Variants in SERINC2 observed in about 807,000 individuals in gnomAD.
The protein encoded by SERINC2 is serine incorporator 2.
SERINC2 carries 56 observed loss-of-function variants against 54.2 expected under a neutral mutation model. That is an observed-to-expected ratio of 1.03 (90% CI 0.83 to 1.29). The LOEUF is 1.29. Ranked by LOEUF, SERINC2 falls within the 50% of genes most tolerant of loss-of-function variation. The pLI is 0.00. For missense variants in SERINC2, 614 were observed against 607.4 expected (o/e 1.01, Z -0.12); for synonymous variants, 272 against 253.1 (o/e 1.07, Z -0.71).
chr1:31,417,849 A>ATTTTT (rs1640815588), intron 1 of SERINC2, among the ~76,000 whole-genome samples: 5 of 65,842 alleles, frequency 7.6e-5, no homozygotes, highest in African/African-American at 1.7e-4. Context: ...TCAAAATTTC[A>ATTTTT]TTCTTTTTTT....
chr1:31,417,852 CTTTTTTTTT>C (rs3050463), intron 1 of SERINC2, among the ~76,000 whole-genome samples: 3 of 95,732 alleles, frequency 3.1e-5, no homozygotes, highest in African/African-American at 1.3e-4. Context: ...AAATTTCATT[CTTTTTTTTT>C]TTTTTTTTTT....
Position 31,413,859 on chromosome 1 carries a change from T to C in SERINC2, c.39+555T>C. On this transcript the variant is annotated intron_variant, in intron 1 of 9. Coordinates refer to ENST00000373709, the MANE Select transcript of SERINC2 (RefSeq NM_178865.5). This position sits in a 1 kb window ranked among gnomAD's most constrained non-coding sequence, Gnocchi z 5.0. ...GTGTCCGTCGTTCGTCCGACTGTCTTTGTCCGTCTGCTGTCTTCTGTCCGT... is the reference window on the plus strand; with the variant it reads ...GTGTCCGTCGTTCGTCCGACTGTCTCTGTCCGTCTGCTGTCTTCTGTCCGT... The C allele has an allele frequency of 7.0e-7, 1 of 1,429,094 alleles. No individual in the cohort carries two copies. Among genetic ancestry groups the C allele is most frequent in the Non-Finnish European group, 9.1e-7 (1 of 1,097,484 alleles). The allele number at this position is 1,429,094 out of a possible 1,614,324, so 88.5% of individuals were successfully genotyped here.
Position 31,423,697 on chromosome 1 carries a change from C to T in SERINC2, c.44C>T (p.Ser15Phe). Residue 15 changes from serine to phenylalanine, a missense_variant, in exon 2 of 10, where the codon TCC becomes TTC. Ser to Phe is a radical substitution (Grantham distance 155). Coordinates refer to ENST00000373709, the MANE Select transcript of SERINC2 (RefSeq NM_178865.5). ...AGTGACAGTGCCCTCCCGCAGGCGT[C>T]CTGCCTCTGCGGCTCTGCCCCCTGC... The part of the protein sequence containing the change: ...LGACSLLSCA[S>F]CLCGSAPCIL... The T allele has an allele frequency of 1.2e-6, 2 of 1,608,132 alleles. No individual in the cohort carries two copies. Among genetic ancestry groups the T allele is most frequent in the Non-Finnish European group, 1.7e-6 (2 of 1,179,790 alleles).
intron 1 of SERINC2, among the ~76,000 whole-genome samples, chr1:31,421,147 G>A (rs1371455052): frequency 1.3e-5 from 2 of 152,202 alleles, no homozygotes; most frequent in African/African-American, 4.8e-5. Flanking sequence ...TCATAGGAGT[G>A]CGAACCCTAT....
intron 1 of SERINC2, 144 bp from the exon 2 acceptor site, chr1:31,423,548 AC>A (rs1553132993): frequency 1.9e-4 from 148 of 799,256 alleles, no homozygotes; most frequent in Non-Finnish European, 2.7e-5. Context: ...TCCCTCTCGG[AC>A]CTGAAAGTTC....
At position 31,413,791 on chromosome 1, in the gene SERINC2, C is replaced by G. The variant is rs1158174206; in HGVS notation, c.39+487C>G. 1 of 1,374,744 alleles carries G rather than the reference C, an allele frequency of 7.3e-7. No homozygotes were observed. The highest frequency in any genetic ancestry group is 1.5e-5 in the African/African-American group (1 of 66,078). 85.2% of individuals were successfully genotyped at this position (1,374,744 alleles called of 1,614,324 possible). Reference sequence around the variant, plus strand: ...CCTGCCAGTCCGCCTGTTCCTGTCGCTCGGGCTCCGCCTGTCCGTTCGTAT... The same window carrying G: ...CCTGCCAGTCCGCCTGTTCCTGTCGGTCGGGCTCCGCCTGTCCGTTCGTAT... On this transcript the variant is annotated intron_variant, in intron 1 of 9. Transcript: ENST00000373709. This position sits in a 1 kb window ranked among gnomAD's most constrained non-coding sequence, Gnocchi z 5.0.
At chr1:31,431,523 C>T (rs1471913221) in intron 8 of SERINC2, among the ~76,000 whole-genome samples, 3 of 152,168 alleles carry the variant, frequency 2.0e-5, no homozygotes, top group African/African-American at 7.2e-5. Flanking sequence ...CTTTCCCTGC[C>T]CCTGGTTCTC....
chr1:31,413,771 C>T lies in SERINC2; in HGVS notation c.39+467C>T. ...CTGCCCTACCCCTCTGGCCGCCTGC[C>T]AGTCCGCCTGTTCCTGTCGCTCGGG... On this transcript the variant is annotated intron_variant, in intron 1 of 9. Transcript: ENST00000373709. The surrounding 1 kb of genome is among the most constrained non-coding windows in gnomAD (Gnocchi z 5.0). 1 of 1,364,182 alleles carries T rather than the reference C, an allele frequency of 7.3e-7. No homozygotes were observed. Among genetic ancestry groups the T allele is most frequent in the Non-Finnish European group, 9.4e-7 (1 of 1,065,166 alleles). The allele number at this position is 1,364,182 out of a possible 1,614,324, so 84.5% of individuals were successfully genotyped here.
Position 31,433,053 on chromosome 1 carries a change from A to AGCG in SERINC2, c.1102_1103insGGC (p.Gln367_Gln368insArg), listed in dbSNP as rs782037653. ...ATGCTAGACGCCACACAGCAGCAGC[A>AGCG]GCAGGTGGCAGCCTGTGAGGGCCGG... On this transcript the variant is annotated inframe_insertion, in exon 9 of 10. Coordinates refer to ENST00000373709, the MANE Select transcript of SERINC2 (RefSeq NM_178865.5). 5.9e-5 allele frequency: 95 copies of AGCG among 1,612,914 alleles called. No homozygotes were observed. Among genetic ancestry groups the AGCG allele is most frequent in the Admixed American group, 1.2e-4 (7 of 59,968 alleles).
rs997292583 is a variant in SERINC2 at position 31,423,549 on chromosome 1, C to T, written c.40-144C>T. 54 of 820,942 alleles carry T rather than the reference C, an allele frequency of 6.6e-5. No individual in the cohort carries two copies. In the African/African-American group the frequency reaches 8.9e-4, roughly 14 times the overall value. The allele number at this position is 820,942 out of a possible 1,614,324, so 50.9% of individuals were successfully genotyped here. ...TATATGACCCAGCCTCCCTCTCGGA[C>T]CTGAAAGTTCAATGGGCTGGTGTCT... is the stretch of plus-strand genomic sequence containing the variant. On this transcript the variant is annotated intron_variant, in intron 1 of 9. Transcript: ENST00000373709.
intron 1 of SERINC2, chr1:31,414,274 CT>C: frequency 2.3e-6 from 3 of 1,320,068 alleles, no homozygotes; most frequent in Non-Finnish European, 9.6e-7. Context: ...CCCAGCCCCC[CT>C]CTCCTTTCCT....
In SERINC2 at chr1:31,433,113, G is replaced by A; in HGVS notation, c.1160G>A (p.Ser387Asn). 1.2e-6 allele frequency: 2 copies of A among 1,613,730 alleles called. No homozygotes were observed. Among genetic ancestry groups the A allele is most frequent in the Non-Finnish European group, 1.7e-6 (2 of 1,180,016 alleles). ...FDNEQDGVTYSYSFFHFCLVL... is the reference protein window; with the variant it reads ...FDNEQDGVTYNYSFFHFCLVL... Reference sequence around the variant, plus strand: ...AACGAGCAGGACGGCGTCACCTACAGCTACTCCTTCTTCCACTTCTGCCTG... The same window carrying A: ...AACGAGCAGGACGGCGTCACCTACAACTACTCCTTCTTCCACTTCTGCCTG... The change falls in exon 9 of 10, where the codon AGC becomes AAC. Residue 387 changes from serine (S) to asparagine (N), a missense_variant. Transcript: ENST00000373709.
At chr1:31,411,435 C>T (rs532860184), upstream of SERINC2, among the ~76,000 whole-genome samples, 7 of 152,216 alleles carry the variant, frequency 4.6e-5, no homozygotes, top group East Asian at 5.8e-4. Flanking sequence ...CATCTGTAAA[C>T]GAGTGGGTGG....
At chr1:31,432,129 TAGGGTGGACAGGGTGGACAGGGTGGAC>T (rs1202707658) in intron 8 of SERINC2, among the ~76,000 whole-genome samples, 119 of 9,874 alleles carry the variant, frequency 0.012, 16 homozygotes, top group African/African-American at 0.016. Context: ...TTAGGGTGGA[TAGGGTGGACAGGGTGGACAGGGTGGAC>T]AGGGTGGATA....
intron 1 of SERINC2, among the ~76,000 whole-genome samples, chr1:31,421,566 T>C (rs782094629): frequency 6.6e-6 from 1 of 152,156 alleles, no homozygotes; most frequent in Non-Finnish European, 1.5e-5. Flanking sequence ...CATTTCTAGT[T>C]TGGGGGAGAG....
intron 1 of SERINC2, chr1:31,414,265 C>T (rs1640720432): frequency 7.5e-7 from 1 of 1,331,754 alleles, no homozygotes; most frequent in Non-Finnish European, 9.6e-7. Context: ...TTCCCTTTCC[C>T]CAGCCCCCCT....
chr1:31,429,971 G>A (rs898541891), intron 8 of SERINC2, among the ~76,000 whole-genome samples: 6 of 151,980 alleles, frequency 3.9e-5, no homozygotes, highest in East Asian at 3.9e-4. Flanking sequence ...ACTCTCCCCC[G>A]AGAGAAGGCA....
At chr1:31,432,191 T>TGGA (rs1641311423) in intron 8 of SERINC2, among the ~76,000 whole-genome samples, 4 of 36,210 alleles carry the variant, frequency 1.1e-4, no homozygotes, top group Non-Finnish European at 1.5e-4. Flanking sequence ...GATAGGGTGG[T>TGGA]TAGAGTGGAG....
At chr1:31,414,454 TG>T (rs1640733175) in intron 1 of SERINC2, 1 of 603,858 alleles carries the variant, frequency 1.7e-6, no homozygotes, top group African/African-American at 3.0e-5. Context: ...TGTGTGTGTG[TG>T]AGAGAGAGAG....
Sources: gnomAD v4.1 joint callset for allele counts (sites outside exome capture counted in the v4.1 genomes callset) on GRCh38, gnomAD v4.1.1 for gene constraint, Gnocchi (gnomAD v3.1) non-coding constraint, MANE v1.5 for transcripts, NCBI Gene and HGNC (gene_info 2026-07-23, HGNC 2026-07-21) for gene names.